Variants in FUT8 observed in about 807,000 individuals in gnomAD.
FUT8 encodes fucosyltransferase 8.
Under a neutral mutation model 71.3 loss-of-function variants are expected in FUT8, and 29 were observed. The ratio of observed to expected loss-of-function variants is 0.41; its 90% confidence interval spans 0.30 to 0.55. The LOEUF (loss-of-function observed/expected upper bound fraction) is 0.55, where lower values mean the gene tolerates loss of function less well. FUT8 is among the 20% of genes least tolerant of loss of function. The pLI is 0.34. For missense variants in FUT8, 544 were observed against 702.1 expected (o/e 0.77, Z 2.55); for synonymous variants, 254 against 239.3 (o/e 1.06, Z -0.57).
chr14:65,667,005 G>A (rs535978610), intron 6 of FUT8, among the ~76,000 whole-genome samples: 2 of 152,134 alleles, frequency 1.3e-5, no homozygotes, highest in South Asian at 2.1e-4. Context: ...ACTAGCCATC[G>A]AAGGAACATA....
At chr14:65,488,387 A>C (rs2066439043) in intron 2 of FUT8, 1 of 152,218 alleles carries the variant, frequency 6.6e-6, no homozygotes, top group Admixed American at 6.5e-5. Flanking sequence ...GTATGCACCC[A>C]ACCTTTCAAA....
At chr14:65,536,725 G>A (rs1480665242) in intron 2 of FUT8, among the ~76,000 whole-genome samples, 1 of 152,116 alleles carries the variant, frequency 6.6e-6, no homozygotes, top group Non-Finnish European at 1.5e-5. Flanking sequence ...TGATGATTAT[G>A]TATCTTGGGC....
At chr14:65,375,576 G>A in the FUT8 span, among the ~76,000 whole-genome samples, 3 of 151,900 alleles carry the variant, frequency 2.0e-5, no homozygotes, top group African/African-American at 4.8e-5. Context: ...AGCCACGGTC[G>A]TGCCTCTGCA....
At position 65,446,484 on chromosome 14, in the gene FUT8, G is replaced by A. The variant is rs374604000; in HGVS notation, c.-325-9137G>A. Reference sequence around the variant, plus strand: ...CATTGGAGGTTGCAAAATAGTGATAGTGATATTCTAAATTATTTCTTTTTA... The same window carrying A: ...CATTGGAGGTTGCAAAATAGTGATAATGATATTCTAAATTATTTCTTTTTA... On this transcript the variant is annotated intron_variant, in intron 1 of 10. Coordinates refer to ENST00000673929, the MANE Select transcript of FUT8 (RefSeq NM_001371533.1). 3.9e-5 allele frequency among the ~76,000 whole-genome samples: 6 copies of A among 152,174 alleles called. No individual in the cohort carries two copies. The East Asian group carries it at 9.6e-4, about 24-fold the overall frequency.
rs564181152 is a variant in FUT8 at position 65,530,521 on chromosome 14, A to C, written c.-227-30816A>C. On this transcript the variant is annotated intron_variant, in intron 2 of 10. Coordinates refer to ENST00000673929, the MANE Select transcript of FUT8 (RefSeq NM_001371533.1). ...CAAGTGATATGTCTCACCCATTTCA[A>C]AGTGAGTTCAAATGCTATTATATGT... is the stretch of plus-strand genomic sequence containing the variant. 3.9e-5 allele frequency among the ~76,000 whole-genome samples: 6 copies of C among 152,304 alleles called. No homozygotes were observed. The East Asian group carries it at 1.2e-3, about 29-fold the overall frequency.
chr14:65,612,243 T>TA (rs1566852182), intron 3 of FUT8, among the ~76,000 whole-genome samples: 2 of 152,202 alleles, frequency 1.3e-5, no homozygotes, highest in East Asian at 3.8e-4. Context: ...GGGATGTAGT[T>TA]ATGTTATTTT....
At chr14:65,410,147 C>T (rs192444286), upstream of FUT8, among the ~76,000 whole-genome samples, 1 of 152,220 alleles carries the variant, frequency 6.6e-6, no homozygotes, top group African/African-American at 2.4e-5. Flanking sequence ...GGCAAGAGAA[C>T]GACTGAGTTC....
intron 3 of FUT8, among the ~76,000 whole-genome samples, chr14:65,580,332 C>G (rs2140109968): frequency 6.6e-6 from 1 of 151,438 alleles, no homozygotes; most frequent in East Asian, 1.9e-4. Context: ...GTAAACATAT[C>G]TAAACATAGA....
intron 3 of FUT8, among the ~76,000 whole-genome samples, chr14:65,600,408 G>A (rs983330438): frequency 5.3e-5 from 8 of 152,106 alleles, no homozygotes; most frequent in East Asian, 1.9e-4. Context: ...ACTATGTGTC[G>A]TGAGAATGTG....
At chr14:65,430,025 TG>T (rs2065448266) in intron 1 of FUT8, among the ~76,000 whole-genome samples, 1 of 80,266 alleles carries the variant, frequency 1.2e-5, no homozygotes, top group Non-Finnish European at 2.6e-5. Context: ...TTTTTGTTTT[TG>T]TTTTTTTTTT....
chr14:65,477,171 C>A (rs1371068235), intron 2 of FUT8, among the ~76,000 whole-genome samples: 3 of 152,148 alleles, frequency 2.0e-5, no homozygotes, highest in African/African-American at 7.2e-5. Flanking sequence ...TGTGGTCTGA[C>A]TCCTGACTTG....
intron 5 of FUT8, among the ~76,000 whole-genome samples, chr14:65,618,894 G>A (rs1889451148): frequency 6.6e-6 from 1 of 152,108 alleles, no homozygotes; most frequent in Non-Finnish European, 1.5e-5. Context: ...GGGTTTTGCA[G>A]CCTTCTACCT....
rs546291244 is a variant in FUT8 at position 65,643,702 on chromosome 14, A to G, written c.597+14096A>G. ...CACACACACACACACACACACACAC[A>G]CACACACACACACCAGATTCCATTC... On this transcript the variant is annotated intron_variant, in intron 6 of 10. Transcript: ENST00000673929. The surrounding 1 kb of genome is among the most constrained non-coding windows in gnomAD (Gnocchi z 4.5). Among the ~76,000 whole-genome samples the G allele has an allele frequency of 6.7e-6, 1 of 148,572 alleles. No individual in the cohort carries two copies. The highest frequency in any genetic ancestry group is 1.5e-5 in the Non-Finnish European group (1 of 67,548).
At chr14:65,736,073 C>T (rs1373522548) in intron 10 of FUT8, among the ~76,000 whole-genome samples, 1 of 152,072 alleles carries the variant, frequency 6.6e-6, no homozygotes, top group Non-Finnish European at 1.5e-5. Context: ...GTATTTGCAT[C>T]CAACTTTGAC....
At chr14:65,676,245 C>T (rs1892711758) in intron 7 of FUT8, among the ~76,000 whole-genome samples, 2 of 152,210 alleles carry the variant, frequency 1.3e-5, no homozygotes, top group African/African-American at 2.4e-5. Context: ...AAAAGCAATA[C>T]GTATTTAGCA....
chr14:65,588,715 TTGA>T (rs1887525006), intron 3 of FUT8, among the ~76,000 whole-genome samples: 1 of 151,236 alleles, frequency 6.6e-6, no homozygotes, highest in Non-Finnish European at 1.5e-5. Context: ...ATAAGATATT[TTGA>T]GAGAGAGAGA....
In FUT8 at chr14:65,489,299, A is replaced by C. The variant is rs1025537607; in HGVS notation, c.-228+33581A>C. ...TCCTCCACCTGTAACAATGGTGAATATGAAGCAAGTGTTCAGTATCCTAGC... is the reference window on the plus strand; with the variant it reads ...TCCTCCACCTGTAACAATGGTGAATCTGAAGCAAGTGTTCAGTATCCTAGC... On this transcript the variant is annotated intron_variant, in intron 2 of 10. Transcript: ENST00000673929. The surrounding 1 kb of genome is among the most constrained non-coding windows in gnomAD (Gnocchi z 4.0). Among the ~76,000 whole-genome samples the C allele has an allele frequency of 1.4e-4, 22 of 152,272 alleles. No homozygotes were observed. The highest frequency in any genetic ancestry group is 1.3e-3 in the Admixed American group (20 of 15,286).
intron 2 of FUT8, among the ~76,000 whole-genome samples, chr14:65,484,175 G>A (rs1594685280): frequency 6.6e-6 from 1 of 152,156 alleles, no homozygotes; most frequent in Non-Finnish European, 1.5e-5. Context: ...GACAAAGCAT[G>A]TCTTTTGTGA....
chr14:65,552,748 T>C (rs1364888663), intron 2 of FUT8, among the ~76,000 whole-genome samples: 2 of 152,216 alleles, frequency 1.3e-5, no homozygotes, highest in East Asian at 3.8e-4. Context: ...TAATGAATTA[T>C]ACTTTCATTT....
Sources: gnomAD v4.1 joint callset for allele counts (sites outside exome capture counted in the v4.1 genomes callset) on GRCh38, gnomAD v4.1.1 for gene constraint, Gnocchi (gnomAD v3.1) non-coding constraint, MANE v1.5 for transcripts, NCBI Gene and HGNC (gene_info 2026-07-23, HGNC 2026-07-21) for gene names.